MKX: variants seen among roughly 807,000 people sequenced by gnomAD.
MKX encodes homeobox protein Mohawk.
MKX carries 13 observed loss-of-function variants against 36.0 expected under a neutral mutation model. That is an observed-to-expected ratio of 0.36 (90% CI 0.24 to 0.57). MKX has a LOEUF of 0.57. Among genes scored for constraint, MKX ranks in the 20% least tolerant of loss-of-function variants. MKX has a pLI of 0.79. For synonymous variants in MKX, 176 were observed against 178.3 expected (o/e 0.99, Z 0.10); for missense variants, 458 against 456.4 (o/e 1.00, Z -0.03).
intron 4 of MKX, 42 bp from the exon 5 acceptor site, chr10:27,734,833 T>C (rs770890670): frequency 1.5e-6 from 2 of 1,356,462 alleles, no homozygotes; most frequent in East Asian, 2.4e-5. Context: ...GTATGCATAC[T>C]TTCCCCCAGC....
chr10:27,711,514 C>CTCT (rs1564357178), intron 5 of MKX, among the ~76,000 whole-genome samples: 1 of 120,828 alleles, frequency 8.3e-6, no homozygotes, highest in African/African-American at 3.9e-5. Context: ...TTCCTTCCTT[C>CTCT]CTTCCTTCCT....
At chr10:27,702,892 C>A (rs1836683258) in intron 5 of MKX, among the ~76,000 whole-genome samples, 1 of 152,106 alleles carries the variant, frequency 6.6e-6, no homozygotes. Context: ...TAACAACATG[C>A]CAGTGCACTC....
chr10:27,710,863 T>A (rs895063741), intron 5 of MKX, among the ~76,000 whole-genome samples: 3 of 152,164 alleles, frequency 2.0e-5, no homozygotes, highest in African/African-American at 7.2e-5. Context: ...TTCACCATGT[T>A]GGCCAGGCTG....
intron 5 of MKX, among the ~76,000 whole-genome samples, chr10:27,724,427 T>TTG (rs1026381174): frequency 2.0e-5 from 3 of 152,158 alleles, no homozygotes; most frequent in African/African-American, 7.2e-5. Flanking sequence ...CTTTGTTTGG[T>TTG]TGTGTGACCT....
chr10:27,710,174 T>C (rs1458006365), intron 5 of MKX, among the ~76,000 whole-genome samples: 1 of 152,180 alleles, frequency 6.6e-6, no homozygotes, highest in East Asian at 1.9e-4. Context: ...AATTTCATAG[T>C]GACATAGTGA....
chr10:27,701,369 TATATA>T (rs905959904), intron 5 of MKX, among the ~76,000 whole-genome samples: 6 of 4,928 alleles, frequency 1.2e-3, no homozygotes, highest in Non-Finnish European at 3.6e-3. Context: ...AAGATGATTT[TATATA>T]TATATATATA....
intron 5 of MKX, among the ~76,000 whole-genome samples, chr10:27,733,955 A>T (rs1564365516): frequency 6.6e-6 from 1 of 152,204 alleles, no homozygotes; most frequent in Admixed American, 6.5e-5. Context: ...TTGACACCCT[A>T]TTAATTTGTT....
intron 5 of MKX, among the ~76,000 whole-genome samples, chr10:27,731,713 C>G (rs984418037): frequency 6.6e-6 from 1 of 151,334 alleles, no homozygotes; most frequent in South Asian, 2.1e-4. Flanking sequence ...ATAGTCCATA[C>G]TATGGACCAA....
rs773740093 is a variant in MKX at position 27,743,314 on chromosome 10, C to T, written c.102G>A (p.Leu34=). Residue 34 remains leucine (L), a synonymous_variant, in exon 2 of 7, where the codon CTG becomes CTA. Transcript: ENST00000419761. ...CCTCGGGGCGGGCGTGAGGACTGTCCAGGACACCGCTGTAGGGCCGGCCAC... is the reference window on the plus strand; with the variant it reads ...CCTCGGGGCGGGCGTGAGGACTGTCTAGGACACCGCTGTAGGGCCGGCCAC... The part of the protein sequence containing the change: ...ERGGRPYSGV[L]DSPHARPEVG... 44 of 1,584,756 alleles carry T rather than the reference C, an allele frequency of 2.8e-5. No individual in the cohort carries two copies. In the South Asian group the frequency reaches 5.1e-4, roughly 18 times the overall value.
rs957711968 is a variant in MKX at position 27,692,727 on chromosome 10, G to C, written c.839-17173C>G. On this transcript the variant is annotated intron_variant, in intron 5 of 6. Coordinates refer to ENST00000419761, the MANE Select transcript of MKX (RefSeq NM_173576.3). ...ATAAACTAAAGTGAACTTAGTTTCT[G>C]CTGCTCTTGGAATATTTTATTCAGG... Among the ~76,000 whole-genome samples the C allele has an allele frequency of 5.3e-5, 8 of 152,272 alleles. No individual in the cohort carries two copies. The East Asian group carries it at 1.5e-3, about 29-fold the overall frequency.
chr10:27,742,542 C>A lies in MKX; in HGVS notation c.188+686G>T, dbSNP rs1834926928. ...CCTCCCCGGCGGGGCGCCCGGGGAGCCGCCGGATCGGGCCAGGCAGAGCCT... is the reference window on the plus strand; with the variant it reads ...CCTCCCCGGCGGGGCGCCCGGGGAGACGCCGGATCGGGCCAGGCAGAGCCT... On this transcript the variant is annotated intron_variant, in intron 2 of 6. Coordinates refer to ENST00000419761, the MANE Select transcript of MKX (RefSeq NM_173576.3). This position sits in a 1 kb window ranked among gnomAD's most constrained non-coding sequence, Gnocchi z 4.2. Among the ~76,000 whole-genome samples, 1 of 152,006 alleles carries A rather than the reference C, an allele frequency of 6.6e-6. No individual in the cohort carries two copies. The highest frequency in any genetic ancestry group is 2.4e-5 in the African/African-American group (1 of 41,406).
At chr10:27,728,353 A>G (rs1434007048) in intron 5 of MKX, among the ~76,000 whole-genome samples, 1 of 152,242 alleles carries the variant, frequency 6.6e-6, no homozygotes, top group Non-Finnish European at 1.5e-5. Context: ...GCTACCCCCC[A>G]AAACGAAAGC....
At position 27,742,218 on chromosome 10, in the gene MKX, A is replaced by AG. The variant is rs572646732; in HGVS notation, c.189-715dup. On this transcript the variant is annotated intron_variant, in intron 2 of 6. Transcript: ENST00000419761. The surrounding 1 kb of genome is among the most constrained non-coding windows in gnomAD (Gnocchi z 4.2). Reference sequence around the variant, plus strand: ...AAGACCTCAGGAAAAGCACATTCAAAGGGGGAGGAGGCAGAGGCAGCCAGG... The same window carrying AG: ...AAGACCTCAGGAAAAGCACATTCAAAGGGGGGAGGAGGCAGAGGCAGCCAGG... Among the ~76,000 whole-genome samples, 587 of 152,196 alleles carry AG rather than the reference A, an allele frequency of 3.9e-3. 3 individuals carry two copies. The highest frequency in any genetic ancestry group is 6.5e-3 in the Non-Finnish European group (444 of 67,994).
At chr10:27,685,124 CCCCTGG>C (rs1161604789) in intron 5 of MKX, among the ~76,000 whole-genome samples, 1 of 152,120 alleles carries the variant, frequency 6.6e-6, no homozygotes, top group East Asian at 1.9e-4. Context: ...AGTGCCAGGT[CCCCTGG>C]CCCTGGCCCT....
In MKX at chr10:27,743,458, G is replaced by C. The variant is rs1433251609; in HGVS notation, c.-43C>G. ...ACGCGCGGCGCGGCCGCAGAGCCTCGGGGCTGGGCCGCCGGGAGCTCCGCA... is the reference window on the plus strand; with the variant it reads ...ACGCGCGGCGCGGCCGCAGAGCCTCCGGGCTGGGCCGCCGGGAGCTCCGCA... On this transcript the variant is annotated 5_prime_UTR_variant, in exon 2 of 7. Coordinates refer to ENST00000419761, the MANE Select transcript of MKX (RefSeq NM_173576.3). 5.4e-6 allele frequency: 8 copies of C among 1,477,668 alleles called. No individual in the cohort carries two copies. Among genetic ancestry groups the C allele is most frequent in the African/African-American group, 3.0e-5 (2 of 67,446 alleles). The allele number at this position is 1,477,668 out of a possible 1,614,324, so 91.5% of individuals were successfully genotyped here.
chr10:27,682,894 G>A (rs1046481422), intron 5 of MKX, among the ~76,000 whole-genome samples: 2 of 151,872 alleles, frequency 1.3e-5, no homozygotes, highest in East Asian at 1.9e-4. Context: ...CAAGAGAATC[G>A]CTTGAACCTG....
In MKX at chr10:27,743,363, C is replaced by T. The variant is rs200576304; in HGVS notation, c.53G>A (p.Gly18Glu). The change falls in exon 2 of 7, where the codon GGA (glycine) becomes GAA (glutamate). Residue 18 changes from glycine to glutamate, a missense_variant. Transcript: ENST00000419761. ...KLSGAVLFED[G>E]GASERERGGR... ...ACCCCGCTCCCGCTCCGAGGCGCCT[C>T]CGTCCTCAAACAGCACCGCACCGCT... is the stretch of plus-strand genomic sequence containing the variant. 29 of 1,578,446 alleles carry T rather than the reference C, an allele frequency of 1.8e-5. No homozygotes were observed. The East Asian group carries it at 7.0e-4, about 38-fold the overall frequency.
At chr10:27,689,741 T>C (rs988672095) in intron 5 of MKX, among the ~76,000 whole-genome samples, 13 of 150,458 alleles carry the variant, frequency 8.6e-5, no homozygotes, top group African/African-American at 3.2e-4. Flanking sequence ...AGAGATCTAC[T>C]CTAAATTTTG....
In MKX at chr10:27,742,838, C is replaced by A. The variant is rs1270765249; in HGVS notation, c.188+390G>T. Among the ~76,000 whole-genome samples, 1 of 152,130 alleles carries A rather than the reference C, an allele frequency of 6.6e-6. No homozygotes were observed. The highest frequency in any genetic ancestry group is 1.5e-5 in the Non-Finnish European group (1 of 68,010). Reference sequence around the variant, plus strand: ...AGTCCGCGGAGCCTGAGCCTGGACTCCCCGACTGCTCGGCTTCGCCTGTTT... The same window carrying A: ...AGTCCGCGGAGCCTGAGCCTGGACTACCCGACTGCTCGGCTTCGCCTGTTT... On this transcript the variant is annotated intron_variant, in intron 2 of 6. Coordinates refer to ENST00000419761, the MANE Select transcript of MKX (RefSeq NM_173576.3). This position sits in a 1 kb window ranked among gnomAD's most constrained non-coding sequence, Gnocchi z 4.2.
Sources: gnomAD v4.1 joint callset for allele counts (sites outside exome capture counted in the v4.1 genomes callset) on GRCh38, gnomAD v4.1.1 for gene constraint, Gnocchi (gnomAD v3.1) non-coding constraint, MANE v1.5 for transcripts, NCBI Gene and HGNC (gene_info 2026-07-23, HGNC 2026-07-21) for gene names.